Variants in IL1RL1 observed in about 807,000 individuals in gnomAD.
The protein encoded by IL1RL1 is interleukin 1 receptor like 1.
IL1RL1 carries 32 observed loss-of-function variants against 50.9 expected under a neutral mutation model. The ratio of observed to expected loss-of-function variants is 0.63; its 90% CI spans 0.47 to 0.84. The LOEUF (loss-of-function observed/expected upper bound fraction) is 0.84, where lower values mean the gene tolerates loss of function less well. Ranked by LOEUF, IL1RL1 falls within the 40% of genes least tolerant of loss-of-function variation. IL1RL1 has a pLI of 0.00. For missense variants in IL1RL1, 773 were observed against 662.9 expected (o/e 1.17, Z -1.82); for synonymous variants, 275 against 236.0 (o/e 1.17, Z -1.51).
intron 8 of IL1RL1, chr2:102,345,152 C>A (rs1016246589): frequency 6.6e-6 from 6 of 908,026 alleles, no homozygotes; most frequent in Admixed American, 1.2e-4. Context: ...AGTCATTGTG[C>A]TTTTTATCAT....
downstream of IL1RL1, chr2:102,352,049 G>A: frequency 1.0e-6 from 1 of 985,616 alleles, no homozygotes. Flanking sequence ...GGTTTCATCT[G>A]GTAACTTTCC....
intron 5 of IL1RL1, among the ~76,000 whole-genome samples, chr2:102,341,587 G>A (rs911584398): frequency 1.1e-4 from 17 of 152,194 alleles, no homozygotes; most frequent in African/African-American, 1.7e-4. Flanking sequence ...ATACTCCACC[G>A]CTGTAAAATA....
At chr2:102,315,217 G>T (rs989249473) in intron 1 of IL1RL1, among the ~76,000 whole-genome samples, 1 of 152,142 alleles carries the variant, frequency 6.6e-6, no homozygotes, top group Non-Finnish European at 1.5e-5. Context: ...GGTGTATGCC[G>T]TGGGGAAAAG....
At chr2:102,333,617 T>C (rs1468596149) in intron 1 of IL1RL1, among the ~76,000 whole-genome samples, 1 of 152,184 alleles carries the variant, frequency 6.6e-6, no homozygotes, top group Non-Finnish European at 1.5e-5. Context: ...TTTTTAAATT[T>C]TAGATTCTAA....
chr2:102,351,862 C>A lies in IL1RL1; in HGVS notation c.1612C>A (p.Pro538Thr). The change falls in exon 11 of 11, where the codon CCA becomes ACA. Residue 538 changes from proline to threonine, a missense_variant. Transcript: ENST00000233954. ...GCACGTGAGGTACCAAATGCCTGTGCCAAGCAAAATTCCCAGAAAGGCCTC... is the reference window on the plus strand; with the variant it reads ...GCACGTGAGGTACCAAATGCCTGTGACAAGCAAAATTCCCAGAAAGGCCTC... ...WKHVRYQMPV[P>T]SKIPRKASSL... 1 of 1,613,810 alleles carries A rather than the reference C, an allele frequency of 6.2e-7. No individual in the cohort carries two copies. Among genetic ancestry groups the A allele is most frequent in the Non-Finnish European group, 8.5e-7 (1 of 1,179,838 alleles).
intron 1 of IL1RL1, among the ~76,000 whole-genome samples, chr2:102,336,715 A>G (rs1677339938): frequency 6.6e-6 from 1 of 151,866 alleles, no homozygotes; most frequent in Non-Finnish European, 1.5e-5. Context: ...ATCCAGGCAG[A>G]GAGGCCTACT....
intron 1 of IL1RL1, among the ~76,000 whole-genome samples, chr2:102,326,254 G>GCTT (rs1676994549): frequency 1.3e-5 from 2 of 152,166 alleles, no homozygotes. Context: ...GCCAAACTAA[G>GCTT]CTTCATAAGT....
chr2:102,343,524 C>T, intron 8 of IL1RL1, 109 bp downstream of exon 8: 1 of 1,594,480 alleles, frequency 6.3e-7, no homozygotes, highest in East Asian at 2.2e-5. Context: ...TGGCCTGTGC[C>T]ATAAAATGTG....
intron 2 of IL1RL1, 36 bp downstream of exon 2, chr2:102,338,361 A>G (rs1241290231): frequency 8.4e-7 from 1 of 1,184,448 alleles, no homozygotes; most frequent in Non-Finnish European, 1.2e-6. Flanking sequence ...TTAAATTTTT[A>G]TAAATTAAAT....
At chr2:102,335,645 T>C (rs1461574783) in intron 1 of IL1RL1, among the ~76,000 whole-genome samples, 1 of 152,210 alleles carries the variant, frequency 6.6e-6, no homozygotes, top group Non-Finnish European at 1.5e-5. Context: ...ATCATTATGA[T>C]GTTAAAATTG....
chr2:102,342,897 A>C, intron 6 of IL1RL1, 139 bp from the exon 7 acceptor site: 1 of 749,908 alleles, frequency 1.3e-6, no homozygotes, highest in Non-Finnish European at 2.2e-6. Flanking sequence ...TAGAAAGAGG[A>C]AGGTGCTAGA....
chr2:102,340,800 G>A lies in IL1RL1; in HGVS notation c.582G>A (p.Val194=), dbSNP rs1301445599. The part of the protein sequence containing the change: ...IHNENGANYS[V]TATRSFTVKD... ...ATGAAAATGGAGCCAATTATAGTGT[G>A]ACGGCGACCAGGTCCTTCACGGTCA... Residue 194 remains valine (V), a synonymous_variant, in exon 5 of 11, where the codon GTG becomes GTA. Transcript: ENST00000233954. The A allele has an allele frequency of 6.3e-7, 1 of 1,578,708 alleles. No homozygotes were observed.
intron 1 of IL1RL1, among the ~76,000 whole-genome samples, chr2:102,330,772 T>C (rs1004025483): frequency 3.3e-5 from 5 of 152,238 alleles, no homozygotes; most frequent in African/African-American, 1.2e-4. Flanking sequence ...ATTCTAATGA[T>C]GTCTTTGAAG....
intron 8 of IL1RL1, chr2:102,345,212 A>AGTCCACAGT (rs1034064631): frequency 1.0e-6 from 1 of 984,314 alleles, no homozygotes; most frequent in African/African-American, 1.7e-5. Flanking sequence ...CTCTTCCCAC[A>AGTCCACAGT]GAGGTGGACT....
intron 1 of IL1RL1, among the ~76,000 whole-genome samples, chr2:102,315,248 C>T (rs1225407297): frequency 6.6e-6 from 1 of 152,076 alleles, no homozygotes; most frequent in African/African-American, 2.4e-5. Flanking sequence ...ATGTGGATCC[C>T]CCTGGGGTTG....
intron 8 of IL1RL1, chr2:102,345,608 G>A (rs1677755594): frequency 1.0e-6 from 1 of 985,318 alleles, no homozygotes; most frequent in African/African-American, 1.7e-5. Flanking sequence ...CCCCAATATG[G>A]TGTAATCGTG....
rs576779958 is a variant in IL1RL1 at position 102,351,984 on chromosome 2, TATGCCC to T, written c.*64_*69del. The T allele has an allele frequency of 2.2e-4, 324 of 1,479,602 alleles. 1 individual carries two copies. Among genetic ancestry groups the T allele is most frequent in the Admixed American group, 6.2e-4 (32 of 51,316 alleles). 91.7% of individuals were successfully genotyped at this position (1,479,602 alleles called of 1,614,324 possible). On this transcript the variant is annotated 3_prime_UTR_variant, in exon 11 of 11. Transcript: ENST00000233954. ...CTTTCCTGACTTCTCCTAGCTGGCTTATGCCCCTGCACTGAAGTGTGAGGAGCAGGA... is the reference window on the plus strand; with the variant it reads ...CTTTCCTGACTTCTCCTAGCTGGCTTCTGCACTGAAGTGTGAGGAGCAGGA...
At chr2:102,350,243 C>T (rs528344450) in intron 10 of IL1RL1, among the ~76,000 whole-genome samples, 32 of 152,350 alleles carry the variant, frequency 2.1e-4, no homozygotes, top group Non-Finnish European at 4.0e-4. Context: ...TACTCAAGAA[C>T]CTGCAGGGAC....
chr2:102,323,273 A>ATATAGTGT (rs1303334375), intron 1 of IL1RL1, among the ~76,000 whole-genome samples: 3 of 48,496 alleles, frequency 6.2e-5, no homozygotes, highest in African/African-American at 2.1e-4. Context: ...ATATATATAT[A>ATATAGTGT]GTGTGTGTGT....
Sources: allele counts gnomAD v4.1 joint callset (sites outside exome capture counted in the v4.1 genomes callset), GRCh38; gene constraint gnomAD v4.1.1; transcripts MANE v1.5; gene names NCBI Gene and HGNC (gene_info 2026-07-23, HGNC 2026-07-21).